ZNF516: variants seen among roughly 807,000 people sequenced by gnomAD.
ZNF516 encodes zinc finger protein 516.
In ZNF516, 19 loss-of-function variants were observed where a neutral mutation model predicts 79.7. That is an observed-to-expected ratio of 0.24 (90% CI 0.17 to 0.35). The LOEUF is 0.35. ZNF516 is among the 10% of genes least tolerant of loss of function. ZNF516 has a pLI of 1.00. For missense variants in ZNF516, 1,678 were observed against 1,679.5 expected, an observed-to-expected ratio of 1.00 and a Z score of 0.02; for synonymous variants, 877 against 739.5, an observed-to-expected ratio of 1.19 and a Z score of -3.02.
At chr18:76,479,311 T>C (rs553657852) in intron 1 of ZNF516, among the ~76,000 whole-genome samples, 1 of 152,298 alleles carries the variant, frequency 6.6e-6, no homozygotes, top group African/African-American at 2.4e-5. Flanking sequence ...CCACATTCTC[T>C]CAGCAAACCA....
intron 3 of ZNF516, among the ~76,000 whole-genome samples, chr18:76,402,302 A>G (rs569653679): frequency 4.6e-5 from 7 of 152,276 alleles, no homozygotes; most frequent in East Asian, 1.9e-4. Context: ...GTAAACCTGA[A>G]GAAAGGGTGC....
In ZNF516 at chr18:76,379,768, C is replaced by G. The variant is rs2145030226; in HGVS notation, c.2346G>C (p.Trp782Cys). The change falls in exon 4 of 7, where the codon TGG (tryptophan) becomes TGC (cysteine). Residue 782 changes from tryptophan (W) to cysteine (C), a missense_variant. Trp to Cys is a radical substitution (Grantham distance 215). Coordinates refer to ENST00000443185, the MANE Select transcript of ZNF516 (RefSeq NM_014643.4). ...PEVLWMHKRI[W>C]HRVSCNSVAP... Reference sequence around the variant, plus strand: ...CCACGGAGTTGCAGCTGACGCGGTGCCAGATGCGTTTGTGCATCCACAGGA... The same window carrying G: ...CCACGGAGTTGCAGCTGACGCGGTGGCAGATGCGTTTGTGCATCCACAGGA... 1 of 1,613,902 alleles carries G rather than the reference C, an allele frequency of 6.2e-7. No individual in the cohort carries two copies.
chr18:76,400,628 C>T (rs897199296), intron 3 of ZNF516, among the ~76,000 whole-genome samples: 13 of 152,274 alleles, frequency 8.5e-5, no homozygotes, highest in East Asian at 7.7e-4. Context: ...TACGTAGGCA[C>T]GGCCTGTCTG....
rs1367954792 is a variant in ZNF516, at chr18:76,451,906, CT to C, written c.-157-8696del. Among the ~76,000 whole-genome samples the C allele has an allele frequency of 6.6e-6, 1 of 152,190 alleles. No homozygotes were observed. The highest frequency in any genetic ancestry group is 1.5e-5 in the Non-Finnish European group (1 of 68,048). ...TCTGTACACCAGTAACAATTACAGG[CT>C]TATAGTCCCCAGACTGGGGTCCCGA... On this transcript the variant is annotated intron_variant, in intron 2 of 6. Transcript: ENST00000443185. This position sits in a 1 kb window ranked among gnomAD's most constrained non-coding sequence, Gnocchi z 6.0.
At chr18:76,397,522 TCTA>T (rs1360782450) in intron 3 of ZNF516, among the ~76,000 whole-genome samples, 1 of 152,212 alleles carries the variant, frequency 6.6e-6, no homozygotes, top group Non-Finnish European at 1.5e-5. Flanking sequence ...TAAGTGATAA[TCTA>T]CTAACATAAA....
intron 1 of ZNF516, among the ~76,000 whole-genome samples, chr18:76,476,593 C>T (rs1296405816): frequency 6.6e-6 from 1 of 152,198 alleles, no homozygotes; most frequent in Non-Finnish European, 1.5e-5. Flanking sequence ...CTTCAGACAT[C>T]TTAAAGCATA....
At chr18:76,384,500 C>T (rs1441469146) in intron 3 of ZNF516, among the ~76,000 whole-genome samples, 2 of 124,704 alleles carry the variant, frequency 1.6e-5, no homozygotes, top group African/African-American at 6.2e-5. Flanking sequence ...GGCCCCCATA[C>T]CCCCTCCACA....
upstream of ZNF516, chr18:76,495,838 G>A (rs1046531108): frequency 1.2e-5 from 10 of 837,680 alleles, no homozygotes; most frequent in Non-Finnish European, 6.1e-6. Context: ...CAACTTCCTG[G>A]TAAATGCCTC....
In ZNF516 at chr18:76,441,430, C is replaced by A. The variant is rs745356231; in HGVS notation, c.1625G>T (p.Arg542Leu). Reference sequence around the variant, plus strand: ...CCTGTCCCCGTCACTGTCCCTCTCGCGGCGCGCGCGGCGATGCACGCGTGA... The same window carrying A: ...CCTGTCCCCGTCACTGTCCCTCTCGAGGCGCGCGCGGCGATGCACGCGTGA... Reference protein sequence around the residue: ...LHSRVHRRARRERDSDGDRAA... With the variant: ...LHSRVHRRARLERDSDGDRAA... Residue 542 changes from arginine (R) to leucine (L), a missense_variant, in exon 3 of 7, where the codon CGC becomes CTC. By Grantham distance (102) the Arg-to-Leu change is moderately radical. This residue lies in a region of ZNF516 where 1,294 missense variants were observed against 1,248.3 expected (regional missense o/e 1.04). Transcript: ENST00000443185. The A allele has an allele frequency of 1.9e-6, 3 of 1,606,656 alleles. No individual in the cohort carries two copies. Among genetic ancestry groups the A allele is most frequent in the South Asian group, 2.2e-5 (2 of 90,650 alleles).
chr18:76,496,214 C>T, upstream of ZNF516: 4 of 1,221,558 alleles, frequency 3.3e-6, no homozygotes, highest in Non-Finnish European at 4.2e-6. Context: ...CGCCCCTTCA[C>T]GGCCGGTGAC....
chr18:76,397,958 CTAGACAAAT>C (rs200276276), intron 3 of ZNF516, among the ~76,000 whole-genome samples: 2,351 of 152,258 alleles, frequency 0.015, 28 homozygotes, highest in Middle Eastern at 0.041. Context: ...GAATTTCTGA[CTAGACAAAT>C]TATTCGTGTT....
At chr18:76,469,531 G>A (rs1278317005) in intron 1 of ZNF516, among the ~76,000 whole-genome samples, 1 of 152,064 alleles carries the variant, frequency 6.6e-6, no homozygotes, top group African/African-American at 2.4e-5. Context: ...AGTGTAAGAA[G>A]AAATTAAAAA....
rs956053398 is a variant in ZNF516, at chr18:76,495,131, C to T, written c.-272+13G>A. 3 of 150,000 alleles carry T rather than the reference C, an allele frequency of 2.0e-5. No homozygotes were observed. Among genetic ancestry groups the T allele is most frequent in the Non-Finnish European group, 4.5e-5 (3 of 67,180 alleles). The allele number at this position is 150,000 out of a possible 1,614,324, so 9.3% of individuals were successfully genotyped here. A position where few individuals can be genotyped will look rare whatever the true frequency, so the allele number is the denominator to read the frequency against. On this transcript the variant is annotated intron_variant, in intron 1 of 6. Coordinates refer to ENST00000443185, the MANE Select transcript of ZNF516 (RefSeq NM_014643.4). Reference sequence around the variant, plus strand: ...CCCTGCGGCGCAGCCCTCCCCCCGCCCGCGGCCCCTACCTTGGCAGGGAGG... The same window carrying T: ...CCCTGCGGCGCAGCCCTCCCCCCGCTCGCGGCCCCTACCTTGGCAGGGAGG...
intron 3 of ZNF516, among the ~76,000 whole-genome samples, chr18:76,440,741 TTTG>T (rs753022348): frequency 4.0e-4 from 21 of 52,330 alleles, no homozygotes; most frequent in East Asian, 1.2e-3. Flanking sequence ...TGTGTGTGTG[TTTG>T]TGTGTGTGTG....
intron 2 of ZNF516, among the ~76,000 whole-genome samples, chr18:76,457,623 G>A (rs528439349): frequency 2.6e-5 from 4 of 152,268 alleles, no homozygotes; most frequent in African/African-American, 9.6e-5. Flanking sequence ...AGGCTGAGGC[G>A]GGAAGATCCC....
intron 1 of ZNF516, among the ~76,000 whole-genome samples, chr18:76,484,750 TTTC>T (rs1269604417): frequency 2.6e-5 from 4 of 152,252 alleles, no homozygotes; most frequent in African/African-American, 9.6e-5. Flanking sequence ...CTGTAATAAC[TTTC>T]TTTTTAATCA....
intron 3 of ZNF516, among the ~76,000 whole-genome samples, chr18:76,404,430 C>T (rs1429560102): frequency 6.6e-6 from 1 of 152,064 alleles, no homozygotes; most frequent in African/African-American, 2.4e-5. Flanking sequence ...AGCATGTGTG[C>T]ACGTGTAAGA....
chr18:76,495,780 G>A (rs942325655), upstream of ZNF516: 6 of 1,129,104 alleles, frequency 5.3e-6, no homozygotes, highest in Non-Finnish European at 6.6e-6. Flanking sequence ...CCCTTCGGGG[G>A]TCCCAGGTGC....
chr18:76,446,812 G>T (rs1201263075), intron 2 of ZNF516, among the ~76,000 whole-genome samples: 1 of 152,150 alleles, frequency 6.6e-6, no homozygotes, highest in Non-Finnish European at 1.5e-5. Flanking sequence ...AATAAGACCT[G>T]CTGTAAATCC....
Sources: gnomAD v4.1 joint callset for allele counts (sites outside exome capture counted in the v4.1 genomes callset) on GRCh38, gnomAD v4.1.1 for gene constraint, gnomAD v4.1.1 regional missense constraint, Gnocchi (gnomAD v3.1) non-coding constraint, MANE v1.5 for transcripts, NCBI Gene and HGNC (gene_info 2026-07-23, HGNC 2026-07-21) for gene names.